Variants in TBC1D9 observed in about 807,000 individuals in gnomAD.
TBC1D9 encodes the protein TBC1 domain family member 9, also known as TBC1 domain family member 9A.
A neutral mutation model predicts 132.0 loss-of-function variants in TBC1D9; 63 were observed. That is an observed-to-expected ratio of 0.48 (90% CI 0.39 to 0.59). The LOEUF (loss-of-function observed/expected upper bound fraction) is 0.59, where lower values mean the gene tolerates loss of function less well. TBC1D9 is among the 20% of genes least tolerant of loss of function. The pLI is 0.00. For synonymous variants in TBC1D9, 610 were observed against 609.9 expected (o/e 1.00, Z 0.00); for missense variants, 1,261 against 1,592.7 (o/e 0.79, Z 3.54).
intron 1 of TBC1D9, among the ~76,000 whole-genome samples, chr4:140,720,752 G>A (rs1738411055): frequency 6.6e-6 from 1 of 152,232 alleles, no homozygotes; most frequent in Non-Finnish European, 1.5e-5. Context: ...TCTTCCTGGA[G>A]GAGTAACCTT....
rs376730607 is a variant in TBC1D9, at chr4:140,728,876, C to T, written c.130+27040G>A. ...ACGGTGTTTCACCATGTTGGCCAGG[C>T]TGGTCTCAAACTCCTGGCCTCAAGT... is the stretch of plus-strand genomic sequence containing the variant. On this transcript the variant is annotated intron_variant, in intron 1 of 20. Coordinates refer to ENST00000442267, the MANE Select transcript of TBC1D9 (RefSeq NM_015130.3). Among the ~76,000 whole-genome samples, 13 of 152,252 alleles carry T rather than the reference C, an allele frequency of 8.5e-5. No homozygotes were observed. The East Asian group carries it at 1.2e-3, about 14-fold the overall frequency.
rs184355469 is a variant in TBC1D9 at position 140,657,750 on chromosome 4, C to T, written c.1984G>A (p.Asp662Asn). The change falls in exon 12 of 21, where the codon GAC becomes AAC. Residue 662 changes from aspartate to asparagine, a missense_variant. Asp to Asn is a conservative substitution (Grantham distance 23). This residue lies in a region of TBC1D9 where 93 missense variants were observed against 169.2 expected (regional missense o/e 0.55). Transcript: ENST00000442267. ...LARDYVPQLYDCMQDLGVIST... is the reference protein window; with the variant it reads ...LARDYVPQLYNCMQDLGVIST... Reference sequence around the variant, plus strand: ...ATCACGCCCAGGTCTTGCATGCAGTCGTACAGCTGTGGGACGTAGTCTCGT... The same window carrying T: ...ATCACGCCCAGGTCTTGCATGCAGTTGTACAGCTGTGGGACGTAGTCTCGT... 1,451 of 1,614,000 alleles carry T rather than the reference C, an allele frequency of 9.0e-4. 15 individuals carry two copies. Among genetic ancestry groups the T allele is most frequent in the Non-Finnish European group, 1.2e-4 (139 of 1,179,894 alleles).
rs1274537503 is a variant in TBC1D9, at chr4:140,633,930, A to G, written c.2746+18T>C. ...CCAGCATCCCATCCCAACTCATGCA[A>G]TAGTACCACGTCCTTACTTAGCCCA... On this transcript the variant is annotated intron_variant, in intron 16 of 20. Transcript: ENST00000442267. 1.9e-5 allele frequency: 31 copies of G among 1,613,084 alleles called. 1 individual carries two copies. Among genetic ancestry groups the G allele is most frequent in the Non-Finnish European group, 2.4e-5 (28 of 1,179,540 alleles).
chr4:140,725,869 C>T (rs1291888275), intron 1 of TBC1D9, among the ~76,000 whole-genome samples: 3 of 152,130 alleles, frequency 2.0e-5, no homozygotes, highest in Non-Finnish European at 4.4e-5. Context: ...AAAATAAATA[C>T]AATGGTGACC....
At chr4:140,642,463 C>A (rs183462426) in intron 13 of TBC1D9, 10 of 931,640 alleles carry the variant, frequency 1.1e-5, no homozygotes, top group Middle Eastern at 2.1e-4. Flanking sequence ...GTACTTGCTG[C>A]AGCCCCTGCC....
chr4:140,733,679 T>A (rs1262041157), intron 1 of TBC1D9, among the ~76,000 whole-genome samples: 1 of 152,148 alleles, frequency 6.6e-6, no homozygotes, highest in Non-Finnish European at 1.5e-5. Context: ...TTGAATGAAG[T>A]CTTCACAGGG....
chr4:140,675,616 T>C lies in TBC1D9; in HGVS notation c.1059+1278A>G, dbSNP rs138403264. 2.4e-3 allele frequency among the ~76,000 whole-genome samples: 360 copies of C among 152,254 alleles called. 3 individuals are homozygous for C. The highest frequency in any genetic ancestry group is 7.6e-3 in the African/African-American group (315 of 41,524). ...ACCCACCTCCACCCCAGAACAATAA[T>C]AATGTTTCTTAGACTTTACTGTGCA... On this transcript the variant is annotated intron_variant, in intron 6 of 20. Transcript: ENST00000442267.
intron 9 of TBC1D9, 56 bp downstream of exon 9, chr4:140,668,861 C>A: frequency 6.3e-7 from 1 of 1,592,130 alleles, no homozygotes; most frequent in Non-Finnish European, 8.5e-7. Flanking sequence ...ACAGGGAGGC[C>A]CTGGTGTGGA....
intron 1 of TBC1D9, among the ~76,000 whole-genome samples, chr4:140,721,087 G>A (rs373874247): frequency 6.6e-6 from 1 of 152,302 alleles, no homozygotes; most frequent in African/African-American, 2.4e-5. Flanking sequence ...CTAGAAGGGT[G>A]GGGAAGACTG....
intron 16 of TBC1D9, among the ~76,000 whole-genome samples, chr4:140,632,083 T>C (rs1365385921): frequency 1.3e-5 from 2 of 152,228 alleles, no homozygotes; most frequent in Non-Finnish European, 2.9e-5. Context: ...CTAAATATTC[T>C]TTTCCAGTGT....
At chr4:140,695,581 C>T (rs1217883745) in intron 2 of TBC1D9, among the ~76,000 whole-genome samples, 1 of 152,154 alleles carries the variant, frequency 6.6e-6, no homozygotes, top group Non-Finnish European at 1.5e-5. Context: ...TCACAGAACT[C>T]CTTTCTTTAG....
intron 1 of TBC1D9, among the ~76,000 whole-genome samples, chr4:140,712,673 C>T (rs992402676): frequency 2.0e-5 from 3 of 151,152 alleles, no homozygotes; most frequent in Admixed American, 6.6e-5. Flanking sequence ...ACCCGGGAGG[C>T]GGAGGTTGCA....
At chr4:140,664,835 G>A (rs185174914) in intron 9 of TBC1D9, among the ~76,000 whole-genome samples, 1 of 152,246 alleles carries the variant, frequency 6.6e-6, no homozygotes, top group Non-Finnish European at 1.5e-5. Flanking sequence ...AAGGCCGGGT[G>A]CAGTGGCTCA....
intron 13 of TBC1D9, chr4:140,644,494 C>T (rs745774183): frequency 8.1e-5 from 24 of 296,568 alleles, no homozygotes; most frequent in Non-Finnish European, 1.6e-4. Flanking sequence ...GGGCCGGCAG[C>T]CAGGCGGGGG....
chr4:140,622,424 C>T lies in TBC1D9; in HGVS notation c.3572G>A (p.Arg1191Gln), dbSNP rs755965461. Residue 1191 changes from arginine (R) to glutamine (Q), a missense_variant, in exon 21 of 21, where the codon CGG (arginine) becomes CAG (glutamine). Arg to Gln is a conservative substitution (Grantham distance 43, BLOSUM62 1). Coordinates refer to ENST00000442267, the MANE Select transcript of TBC1D9 (RefSeq NM_015130.3). Reference sequence around the variant, plus strand: ...CAGTGCCGCCGTGCCCTGGCCGCTCCGCACCAGGACCGTGTCCTCTCCGAT... The same window carrying T: ...CAGTGCCGCCGTGCCCTGGCCGCTCTGCACCAGGACCGTGTCCTCTCCGAT... ...EDIGEDTVLV[R>Q]SGQGTAALPR... 5.0e-6 allele frequency: 8 copies of T among 1,613,454 alleles called. No individual in the cohort carries two copies. Among genetic ancestry groups the T allele is most frequent in the South Asian group, 4.4e-5 (4 of 91,058 alleles).
intron 16 of TBC1D9, 118 bp downstream of exon 16, chr4:140,633,830 T>A: frequency 1.6e-6 from 2 of 1,267,272 alleles, no homozygotes; most frequent in East Asian, 4.7e-5. Flanking sequence ...AAAAACACAT[T>A]TTATAATCAG....
intron 17 of TBC1D9, among the ~76,000 whole-genome samples, chr4:140,627,962 A>AT (rs1267539785): frequency 6.6e-6 from 1 of 151,796 alleles, no homozygotes; most frequent in East Asian, 1.9e-4. Context: ...AAACCTCACC[A>AT]TTTTCCCCAC....
chr4:140,644,955 C>G (rs1299699036), intron 13 of TBC1D9: 1 of 455,276 alleles, frequency 2.2e-6, no homozygotes, highest in Non-Finnish European at 4.4e-6. Context: ...AGATGGAGGT[C>G]CCAAGCCCCA....
chr4:140,709,030 C>T (rs191808690), intron 1 of TBC1D9, among the ~76,000 whole-genome samples: 3 of 152,220 alleles, frequency 2.0e-5, no homozygotes, highest in East Asian at 3.9e-4. Flanking sequence ...CATTCTTCCA[C>T]TCTCCAGCAT....
Sources: allele counts gnomAD v4.1 joint callset (sites outside exome capture counted in the v4.1 genomes callset), GRCh38; gene constraint gnomAD v4.1.1; regional missense constraint gnomAD v4.1.1; transcripts MANE v1.5; gene names NCBI Gene and HGNC (gene_info 2026-07-23, HGNC 2026-07-21).